DISP1: variants seen among roughly 807,000 people sequenced by gnomAD.
DISP1 encodes protein dispatched homolog 1.
A neutral mutation model predicts 37.3 loss-of-function variants in DISP1; 30 were observed. The observed-to-expected ratio is 0.80, with a 90% CI of 0.60 to 1.09. The LOEUF is 1.09. DISP1 is among the 50% of genes least tolerant of loss of function. The pLI is 0.00. For missense variants in DISP1, 1,598 were observed against 1,879.5 expected (o/e 0.85, Z 2.77); for synonymous variants, 634 against 690.2 (o/e 0.92, Z 1.28).
chr1:222,895,208 G>A (rs1671180325), intron 1 of DISP1, among the ~76,000 whole-genome samples: 1 of 152,204 alleles, frequency 6.6e-6, no homozygotes, highest in East Asian at 1.9e-4. Flanking sequence ...TGGAACAGCT[G>A]ACCAGGGATG....
chr1:222,911,048 T>G (rs920919654), intron 1 of DISP1, among the ~76,000 whole-genome samples: 5 of 152,234 alleles, frequency 3.3e-5, no homozygotes, highest in African/African-American at 1.2e-4. Flanking sequence ...GAGCAACATA[T>G]GTATCTTTAA....
At chr1:222,909,712 A>G (rs1348299161) in intron 1 of DISP1, among the ~76,000 whole-genome samples, 1 of 152,172 alleles carries the variant, frequency 6.6e-6, no homozygotes, top group Non-Finnish European at 1.5e-5. Context: ...AAACATCTCT[A>G]AGGACCAGGA....
At chr1:222,939,783 A>G (rs1269167263) in intron 2 of DISP1, among the ~76,000 whole-genome samples, 1 of 151,206 alleles carries the variant, frequency 6.6e-6, no homozygotes, top group East Asian at 2.0e-4. Context: ...GAGTAAGCCA[A>G]GATTACACCA....
At chr1:222,833,310 A>AT (rs1435546487) in intron 1 of DISP1, among the ~76,000 whole-genome samples, 3 of 152,296 alleles carry the variant, frequency 2.0e-5, no homozygotes, top group African/African-American at 7.2e-5. Context: ...AAGTGTGGGT[A>AT]TTATTAAGTA....
intron 1 of DISP1, among the ~76,000 whole-genome samples, chr1:222,904,410 GT>G (rs1671782529): frequency 6.6e-6 from 1 of 151,900 alleles, no homozygotes; most frequent in South Asian, 2.1e-4. Flanking sequence ...ATTTATAGAT[GT>G]TTTCAGTATC....
chr1:222,951,581 C>T lies in DISP1; in HGVS notation c.509+8249C>T, dbSNP rs188657365. Among the ~76,000 whole-genome samples, 831 of 147,754 alleles carry T rather than the reference C, an allele frequency of 5.6e-3. 2 individuals are homozygous for T. Among genetic ancestry groups the T allele is most frequent in the Non-Finnish European group, 9.0e-3 (604 of 66,846 alleles). ...ATTGTGGCATGAACCTGATCATTGA[C>T]GCAGATCCCACAGTCTCTGCTTTAC... is the stretch of plus-strand genomic sequence containing the variant. On this transcript the variant is annotated intron_variant, in intron 3 of 8. Transcript: ENST00000675850.
At chr1:222,870,525 T>G (rs1669486327) in intron 1 of DISP1, among the ~76,000 whole-genome samples, 1 of 152,230 alleles carries the variant, frequency 6.6e-6, no homozygotes, top group East Asian at 1.9e-4. Flanking sequence ...TTGATTTACA[T>G]TTCTCTCATG....
At chr1:222,977,691 C>A (rs1435790747) in intron 3 of DISP1, among the ~76,000 whole-genome samples, 2 of 151,556 alleles carry the variant, frequency 1.3e-5, no homozygotes, top group African/African-American at 2.4e-5. Flanking sequence ...CCCTCTCCCC[C>A]GACCCCACAA....
chr1:222,931,469 CG>C (rs1165635875), intron 2 of DISP1, among the ~76,000 whole-genome samples: 6 of 151,802 alleles, frequency 4.0e-5, no homozygotes, highest in Non-Finnish European at 8.8e-5. Context: ...GTTGTAAAGC[CG>C]CCCATTTTGT....
At chr1:222,856,144 A>C (rs2125317862) in intron 1 of DISP1, among the ~76,000 whole-genome samples, 1 of 152,312 alleles carries the variant, frequency 6.6e-6, no homozygotes, top group African/African-American at 2.4e-5. Context: ...TAGATATATA[A>C]ACCTTTAGCT....
rs952567033 is a variant in DISP1, at chr1:222,983,163, C to A, written c.539+54C>A. 3.8e-6 allele frequency: 5 copies of A among 1,316,172 alleles called. No homozygotes were observed. The East Asian group carries it at 1.2e-4, about 30-fold the overall frequency. 81.5% of individuals were successfully genotyped at this position (1,316,172 alleles called of 1,614,324 possible). A position where few individuals can be genotyped will look rare whatever the true frequency, so the allele number is the denominator to read the frequency against. Reference sequence around the variant, plus strand: ...TAATAAACTTACCTGCATGCTTTTTCCAGTCTAGTATTTTCTCCGTATTTT... The same window carrying A: ...TAATAAACTTACCTGCATGCTTTTTACAGTCTAGTATTTTCTCCGTATTTT... On this transcript the variant is annotated intron_variant, in intron 4 of 8. Coordinates refer to ENST00000675850, the MANE Select transcript of DISP1 (RefSeq NM_001377229.1).
chr1:222,979,665 T>C (rs1182621269), intron 3 of DISP1: 1 of 471,118 alleles, frequency 2.1e-6, no homozygotes, highest in Admixed American at 2.3e-5. Flanking sequence ...TCTTCAGATG[T>C]GAACGTGTTC....
At chr1:222,883,699 C>T (rs1019078737) in intron 1 of DISP1, among the ~76,000 whole-genome samples, 7 of 152,134 alleles carry the variant, frequency 4.6e-5, no homozygotes, top group Admixed American at 1.3e-4. Context: ...CAGGCATAAG[C>T]ATATTGTTAG....
rs1674492687 is a variant in DISP1 at position 222,942,972 on chromosome 1, T to G, written c.149T>G (p.Val50Gly). The change falls in exon 3 of 9, where the codon GTG (valine) becomes GGG (glycine). Residue 50 changes from valine to glycine, a missense_variant. Transcript: ENST00000675850. ...LTPKEATRTK[V>G]SPNGCLQLNG... ...CCCAAAGAAGCAACAAGAACAAAAG[T>G]GAGTCCAAATGGATGCCTGCAACTT... The G allele has an allele frequency of 2.5e-6, 4 of 1,614,142 alleles. No individual in the cohort carries two copies. Among genetic ancestry groups the G allele is most frequent in the Non-Finnish European group, 3.4e-6 (4 of 1,180,020 alleles).
chr1:223,004,154 T>G lies in DISP1; in HGVS notation c.2757T>G (p.Thr919=). The G allele has an allele frequency of 6.2e-7, 1 of 1,614,192 alleles. No individual in the cohort carries two copies. Among genetic ancestry groups the G allele is most frequent in the Non-Finnish European group, 8.5e-7 (1 of 1,180,000 alleles). The change falls in exon 9 of 9, where the codon ACT becomes ACG. Residue 919 remains threonine (T), a synonymous_variant. Coordinates refer to ENST00000675850, the MANE Select transcript of DISP1 (RefSeq NM_001377229.1). The surrounding 1 kb of genome is among the most constrained non-coding windows in gnomAD (Gnocchi z 4.9). ...TPGPRFDIND[T]IRAVVLEFQS... ...GGCCGAGGTTTGATATCAATGATACTATCAGGGCAGTGGTGTTAGAGTTCC... is the reference window on the plus strand; with the variant it reads ...GGCCGAGGTTTGATATCAATGATACGATCAGGGCAGTGGTGTTAGAGTTCC...
chr1:222,924,256 T>C (rs1288864820), intron 1 of DISP1, among the ~76,000 whole-genome samples: 2 of 152,236 alleles, frequency 1.3e-5, no homozygotes, highest in Non-Finnish European at 2.9e-5. Flanking sequence ...ATGCATGGTC[T>C]TTTCTTAAAT....
At chr1:222,842,497 C>G (rs1356547609) in intron 1 of DISP1, among the ~76,000 whole-genome samples, 1 of 151,944 alleles carries the variant, frequency 6.6e-6, no homozygotes, top group East Asian at 1.9e-4. Flanking sequence ...TAGTGTCTGG[C>G]AGAAATTGCT....
chr1:222,875,831 A>T (rs763584439), intron 1 of DISP1, among the ~76,000 whole-genome samples: 3 of 5,626 alleles, frequency 5.3e-4, no homozygotes, highest in South Asian at 3.7e-3. Flanking sequence ...ACATCTCAAT[A>T]AAAAAAAAAA....
chr1:222,843,931 A>G lies in DISP1; in HGVS notation c.-159+28853A>G, dbSNP rs115867590. On this transcript the variant is annotated intron_variant, in intron 1 of 8. Transcript: ENST00000675850. ...TTTACGCTGAAGATATAGATATATTATACCCCTGTTGAAGTGTGGTGCTGG... is the reference window on the plus strand; with the variant it reads ...TTTACGCTGAAGATATAGATATATTGTACCCCTGTTGAAGTGTGGTGCTGG... Among the ~76,000 whole-genome samples, 1,202 of 152,260 alleles carry G rather than the reference A, an allele frequency of 7.9e-3. 21 individuals carry two copies. The highest frequency in any genetic ancestry group is 0.044 in the Admixed American group (667 of 15,284).
Sources: allele counts gnomAD v4.1 joint callset (sites outside exome capture counted in the v4.1 genomes callset), GRCh38; gene constraint gnomAD v4.1.1; non-coding constraint Gnocchi (gnomAD v3.1); transcripts MANE v1.5; gene names NCBI Gene and HGNC (gene_info 2026-07-23, HGNC 2026-07-21).